TTN: variants seen among roughly 807,000 people sequenced by gnomAD.
TTN encodes the protein connectin.
Under a neutral mutation model 3,223.0 loss-of-function variants are expected in TTN, and 1,525 were observed. That is an observed-to-expected ratio of 0.47 (90% CI 0.45 to 0.49). TTN has a LOEUF of 0.49. TTN is among the 20% of genes least tolerant of loss of function. TTN has a pLI of 0.00. For synonymous variants in TTN, 14,094 were observed against 15,161.0 expected (o/e 0.93, Z 5.17); for missense variants, 40,786 against 43,424.0 (o/e 0.94, Z 5.40).
In TTN at chr2:178,719,223, G is replaced by A. The variant is rs757148743; in HGVS notation, c.24167C>T (p.Thr8056Met). Residue 8056 changes from threonine (T) to methionine (M), a missense_variant, in exon 83 of 363, where the codon ACG (threonine) becomes ATG (methionine). Thr to Met is a moderately conservative substitution (Grantham distance 81). Transcript: ENST00000589042. The stretch of plus-strand genomic sequence containing the variant: ...ACCAGCTACATTGGCAGCCACACAC[G>A]TGTATATGCCTGTGTCGGAGGGCTC... ...LLEPSDTGIY[T>M]CVAANVAGSD... 6.2e-6 allele frequency: 10 copies of A among 1,613,766 alleles called. No individual in the cohort carries two copies. Among genetic ancestry groups the A allele is most frequent in the Admixed American group, 1.7e-5 (1 of 60,014 alleles).
At position 178,790,115 on chromosome 2, in the gene TTN, T is replaced by A; in HGVS notation, c.1801A>T (p.Ile601Leu). The A allele has an allele frequency of 1.2e-6, 2 of 1,612,374 alleles. No individual in the cohort carries two copies. The highest frequency in any genetic ancestry group is 2.2e-5 in the South Asian group (2 of 90,958). ...ACTGTTTTCCTAGTTTCCTTCATTATCTGATCATACAAAAGAAAGTAAGAA... is the reference window on the plus strand; with the variant it reads ...ACTGTTTTCCTAGTTTCCTTCATTAACTGATCATACAAAAGAAAGTAAGAA... ...QDQMHLSYEK[I>L]MKETRKTVVP... is the part of the protein sequence containing the mutation. Residue 601 changes from isoleucine to leucine, a missense_variant and splice_region_variant, in exon 12 of 363, where the codon ATA becomes TTA. Transcript: ENST00000589042.
chr2:178,533,973 G>A lies in TTN; in HGVS notation c.102642C>T (p.Asp34214=), dbSNP rs766760792. Residue 34214 remains aspartate (D), a synonymous_variant, in exon 358 of 363, where the codon GAC becomes GAT. Transcript: ENST00000589042. ...CTGCATAAGAACTGTCTTCACCATA[G>A]TCATTGACTACTTTGCATCTGTAGG... ...DGTYRCKVVN[D]YGEDSSYAEL... The A allele has an allele frequency of 4.3e-6, 7 of 1,613,868 alleles. No homozygotes were observed. The South Asian group carries it at 7.7e-5, about 18-fold the overall frequency.
chr2:178,774,669 G>A (rs945543285), intron 29 of TTN, 196 bp from the exon 30 acceptor site: 10 of 688,676 alleles, frequency 1.5e-5, no homozygotes, highest in Non-Finnish European at 2.1e-5. Context: ...AAATATTTTT[G>A]AAAGTAAAGA....
intron 69 of TTN, 142 bp downstream of exon 69, chr2:178,726,948 A>C: frequency 1.2e-6 from 1 of 867,962 alleles, no homozygotes; most frequent in East Asian, 3.0e-5. Flanking sequence ...AAACCATCTA[A>C]AAAGGGAAAT....
At chr2:178,778,823 G>A (rs765843721) in intron 24 of TTN, 51 bp downstream of exon 24, 1 of 1,611,928 alleles carries the variant, frequency 6.2e-7, no homozygotes, top group Admixed American at 1.7e-5. Context: ...ACTATTTGAT[G>A]TTTTGAAAAC....
At chr2:178,543,036 CTTT>C (rs58609542) in intron 347 of TTN, 30 bp downstream of exon 347, 357 of 1,387,406 alleles carry the variant, frequency 2.6e-4, no homozygotes, top group South Asian at 6.5e-4. Context: ...TTTTACTTTA[CTTT>C]TTTTTTTTTT....
intron 326 of TTN, 108 bp from the exon 327 acceptor site, chr2:178,558,745 T>TA: frequency 8.1e-7 from 1 of 1,230,352 alleles, no homozygotes. Flanking sequence ...GCCATATTTT[T>TA]ATGTTGATTT....
Position 178,590,623 on chromosome 2 carries a change from G to A in TTN, c.61102C>T (p.Pro20368Ser). 3 of 1,612,930 alleles carry A rather than the reference G, an allele frequency of 1.9e-6. No homozygotes were observed. The change falls in exon 304 of 363, where the codon CCC becomes TCC. Residue 20368 changes from proline to serine, a missense_variant. Pro to Ser is a moderately conservative substitution (Grantham distance 74, BLOSUM62 -1). Coordinates refer to ENST00000589042, the MANE Select transcript of TTN (RefSeq NM_001267550.2). ...ATAGGTGGTCCAGGTGGTTTGATGG[G>A]CCGGCAAGCTTTTATTGGATCAGAA... ...PSSDPIKACRPIKPPGPPINP... is the reference protein window; with the variant it reads ...PSSDPIKACRSIKPPGPPINP...
intron 336 of TTN, 35 bp downstream of exon 336, chr2:178,550,932 C>T (rs1699188690): frequency 1.3e-6 from 2 of 1,597,028 alleles, no homozygotes; most frequent in South Asian, 1.1e-5. Flanking sequence ...TGTGAATGCT[C>T]TTAGTCTCAT....
chr2:178,615,557 G>A, intron 258 of TTN, 73 bp from the exon 259 acceptor site: 1 of 1,609,006 alleles, frequency 6.2e-7, no homozygotes, highest in Non-Finnish European at 8.5e-7. Flanking sequence ...GCCAACCCCT[G>A]CCTTGCCCCA....
Position 178,635,570 on chromosome 2 carries a change from A to C in TTN, c.41754T>G (p.Asn13918Lys), listed in dbSNP as rs1396769268. The C allele has an allele frequency of 1.3e-6, 2 of 1,594,684 alleles. No individual in the cohort carries two copies. Among genetic ancestry groups the C allele is most frequent in the African/African-American group, 2.7e-5 (2 of 74,756 alleles). Reference protein sequence around the residue: ...KGYDEIPAEPNDKTEILRDGN... With the variant: ...KGYDEIPAEPKDKTEILRDGN... ...CATCTCTCAGTATTTCAGTCTTATC[A>C]TTTGGTTCCGCAGGGATTTCATCAT... is the stretch of plus-strand genomic sequence containing the variant. The change falls in exon 227 of 363, where the codon AAT becomes AAG. Residue 13918 changes from asparagine to lysine, a missense_variant. By Grantham distance (94) the Asn-to-Lys change is moderately conservative. Coordinates refer to ENST00000589042, the MANE Select transcript of TTN (RefSeq NM_001267550.2).
chr2:178,649,396 A>G, intron 212 of TTN, 65 bp from the exon 213 acceptor site: 2 of 1,344,782 alleles, frequency 1.5e-6, no homozygotes, highest in Non-Finnish European at 2.0e-6. Flanking sequence ...TTAAGAATAA[A>G]AAACCTGTAT....
rs771511344 is a variant in TTN, at chr2:178,538,795, T to A, written c.99034A>T (p.Lys33012Ter). 5 of 1,612,436 alleles carry A rather than the reference T, an allele frequency of 3.1e-6. No individual in the cohort carries two copies. Among genetic ancestry groups the A allele is most frequent in the Non-Finnish European group, 3.4e-6 (4 of 1,178,978 alleles). The change falls in exon 354 of 363, where the codon AAA becomes TAA. Residue 33012 changes from lysine (K) to a stop codon, truncating the protein, a stop_gained. Coordinates refer to ENST00000589042, the MANE Select transcript of TTN (RefSeq NM_001267550.2). LOFTEE classifies it high-confidence loss of function. ...PGELEILSIS[K>*]DSVTLQWEKP... ...TCCCACTGTAGAGTGACACTATCTT[T>A]GGATATTGAAAGAATCTCAAGTTCT... is the stretch of plus-strand genomic sequence containing the variant.
rs72647874 is a variant in TTN, at chr2:178,778,068, T to C, written c.4209-93A>G. 4.6e-3 allele frequency: 6,916 copies of C among 1,509,486 alleles called. 23 individuals carry two copies. The highest frequency in any genetic ancestry group is 5.8e-3 in the Non-Finnish European group (6,489 of 1,119,166). The allele number at this position is 1,509,486 out of a possible 1,614,324, so 93.5% of individuals were successfully genotyped here. A position where few individuals can be genotyped will look rare whatever the true frequency, so the allele number is the denominator to read the frequency against. On this transcript the variant is annotated intron_variant, in intron 24 of 362. Transcript: ENST00000589042. ...TGTCTTATTCATTATTCATGTTATT[T>C]TAGAATTTACTTCTTGCACGTATTA...
Position 178,605,618 on chromosome 2 carries a change from G to T in TTN, c.53677C>A (p.Pro17893Thr). 1 of 1,612,086 alleles carries T rather than the reference G, an allele frequency of 6.2e-7. No individual in the cohort carries two copies. The change falls in exon 279 of 363, where the codon CCC becomes ACC. Residue 17893 changes from proline (P) to threonine (T), a missense_variant. Coordinates refer to ENST00000589042, the MANE Select transcript of TTN (RefSeq NM_001267550.2). ...TTTTCAATGATATATCCTTGGATGGGACTGCCACCATTACTGCGGGGCTCT... is the reference window on the plus strand; with the variant it reads ...TTTTCAATGATATATCCTTGGATGGTACTGCCACCATTACTGCGGGGCTCT... ...WKEPRSNGGS[P>T]IQGYIIEKRR...
At position 178,561,456 on chromosome 2, in the gene TTN, C is replaced by T. The variant is rs2154159665; in HGVS notation, c.84676G>A (p.Glu28226Lys). The T allele has an allele frequency of 1.2e-6, 2 of 1,613,822 alleles. No homozygotes were observed. Among genetic ancestry groups the T allele is most frequent in the South Asian group, 1.1e-5 (1 of 91,082 alleles). Residue 28226 changes from glutamate (E) to lysine (K), a missense_variant, in exon 326 of 363, where the codon GAG becomes AAG. By Grantham distance (56) the Glu-to-Lys change is moderately conservative. Transcript: ENST00000589042. Reference protein sequence around the residue: ...VSGLDEGLMYEYRVYAENIAG... With the variant: ...VSGLDEGLMYKYRVYAENIAG... ...ATATTTTCAGCATATACACGATACT[C>T]ATACATCAGTCCTTCATCAAGGCCG... is the stretch of plus-strand genomic sequence containing the variant.
In TTN at chr2:178,620,201, A is replaced by C; in HGVS notation, c.46304+16T>G. The C allele has an allele frequency of 2.6e-6, 4 of 1,546,134 alleles. No homozygotes were observed. In the East Asian group the frequency reaches 9.1e-5, roughly 35 times the overall value. On this transcript the variant is annotated intron_variant, in intron 248 of 362. Transcript: ENST00000589042. ...TATATAGCTACAGAAATAGAGAATA[A>C]AAAGATCTTGCTTACTTTTTGCCTT...
Position 178,579,244 on chromosome 2 carries a change from T to C in TTN, c.67786A>G (p.Arg22596Gly), listed in dbSNP as rs761026013. ...ACCGCAGATGACTCAACACTGACTC[T>C]AGTGTCAGTTGCTAGAGGATCTTCC... ...KGEDPLATDTRVSVESSAVNT... is the reference protein window; with the variant it reads ...KGEDPLATDTGVSVESSAVNT... Residue 22596 changes from arginine to glycine, a missense_variant, in exon 320 of 363, where the codon AGA (arginine) becomes GGA (glycine). Transcript: ENST00000589042. 4.3e-6 allele frequency: 7 copies of C among 1,613,426 alleles called. No homozygotes were observed. The highest frequency in any genetic ancestry group is 1.7e-5 in the Admixed American group (1 of 59,994).
Position 178,721,697 on chromosome 2 carries a change from C to A in TTN, c.22816+150G>T, listed in dbSNP as rs114825312. 2.7e-3 allele frequency: 1,994 copies of A among 745,536 alleles called. 8 individuals are homozygous for A. The highest frequency in any genetic ancestry group is 3.2e-3 in the Non-Finnish European group (1,615 of 500,088). 46.2% of individuals were successfully genotyped at this position (745,536 alleles called of 1,614,324 possible). ...AGAACAATATAAAGAGAAAACACAA[C>A]TTTGATTAATGTTGCCTCCAACACT... On this transcript the variant is annotated intron_variant, in intron 78 of 362. Coordinates refer to ENST00000589042, the MANE Select transcript of TTN (RefSeq NM_001267550.2).
Sources: allele counts gnomAD v4.1 joint callset, GRCh38; gene constraint gnomAD v4.1.1; transcripts MANE v1.5; gene names NCBI Gene and HGNC (gene_info 2026-07-23, HGNC 2026-07-21).